The following COBL variants were observed in gnomAD, a reference collection of about 807,000 sequenced individuals.
COBL encodes the protein cordon-bleu WH2 repeat protein.
Under a neutral mutation model 98.8 loss-of-function variants are expected in COBL, and 51 were observed. That is an observed-to-expected ratio of 0.52 (90% CI 0.41 to 0.65). The LOEUF (loss-of-function observed/expected upper bound fraction) is 0.65, where lower values mean the gene tolerates loss of function less well. Among genes scored for constraint, COBL ranks in the 30% least tolerant of loss-of-function variants. The pLI is 0.00. For synonymous variants in COBL, 634 were observed against 651.7 expected, an observed-to-expected ratio of 0.97 and a Z score of 0.41; for missense variants, 1,617 against 1,617.5, an observed-to-expected ratio of 1.00 and a Z score of 0.01.
At chr7:51,252,745 T>C (rs978983502) in intron 1 of COBL, among the ~76,000 whole-genome samples, 2 of 152,164 alleles carry the variant, frequency 1.3e-5, no homozygotes, top group Non-Finnish European at 2.9e-5. Context: ...AAGCAGTAGG[T>C]TAAGAGGCTG....
rs146781616 is a variant in COBL at position 51,017,557 on chromosome 7, G to A, written c.3780C>T (p.Leu1260=). The part of the protein sequence containing the change: ...GAARLRKVPL[L]V ...TTCTCTGGCCTCTGTTCATTCACACGAGCAAGGGCACCTGCAGGGAAGAGA... is the reference window on the plus strand; with the variant it reads ...TTCTCTGGCCTCTGTTCATTCACACAAGCAAGGGCACCTGCAGGGAAGAGA... Residue 1260 remains leucine (L), a synonymous_variant, in exon 13 of 13, where the codon CTC becomes CTT. Coordinates refer to ENST00000265136, the MANE Select transcript of COBL (RefSeq NM_015198.5). 11 of 1,613,948 alleles carry A rather than the reference G, an allele frequency of 6.8e-6. No individual in the cohort carries two copies. The highest frequency in any genetic ancestry group is 5.3e-5 in the African/African-American group (4 of 75,038).
At chr7:51,031,116 G>A (rs1038722660) in intron 8 of COBL, 20 of 577,588 alleles carry the variant, frequency 3.5e-5, no homozygotes, top group Non-Finnish European at 4.3e-5. Context: ...GGTATGTGTG[G>A]GATGCGTGTA....
intron 6 of COBL, among the ~76,000 whole-genome samples, chr7:51,114,155 G>A (rs930580111): frequency 1.1e-4 from 16 of 152,170 alleles, no homozygotes; most frequent in Non-Finnish European, 4.4e-5. Context: ...ACAAGTCTAC[G>A]CTTGCCACAA....
intron 1 of COBL, among the ~76,000 whole-genome samples, chr7:51,316,092 C>G (rs1244863225): frequency 6.6e-6 from 1 of 152,182 alleles, no homozygotes; most frequent in African/African-American, 2.4e-5. Flanking sequence ...AGCCGGGGAG[C>G]CCTCCCCTCC....
At position 51,144,258 on chromosome 7, in the gene COBL, C is replaced by T. The variant is rs544955283; in HGVS notation, c.784-7927G>A. ...TTTACATATATGAACCCACTTGACCCTCATACCAGCTCTATAGGAAGGTAA... is the reference window on the plus strand; with the variant it reads ...TTTACATATATGAACCCACTTGACCTTCATACCAGCTCTATAGGAAGGTAA... On this transcript the variant is annotated intron_variant, in intron 5 of 12. Transcript: ENST00000265136. 7.9e-5 allele frequency among the ~76,000 whole-genome samples: 12 copies of T among 152,278 alleles called. No individual in the cohort carries two copies. In the East Asian group the frequency reaches 2.3e-3, roughly 29 times the overall value.
Position 51,219,815 on chromosome 7 carries a change from C to A in COBL, c.171G>T (p.Ala57=). 1 of 1,614,098 alleles carries A rather than the reference C, an allele frequency of 6.2e-7. No homozygotes were observed. The highest frequency in any genetic ancestry group is 8.5e-7 in the Non-Finnish European group (1 of 1,180,046). Residue 57 remains alanine, a synonymous_variant, in exon 2 of 13, where the codon GCG becomes GCT. Coordinates refer to ENST00000265136, the MANE Select transcript of COBL (RefSeq NM_015198.5). ...SQQNLVRMKE[A]LRASTMDVTV... Reference sequence around the variant, plus strand: ...TGACGTCCATGGTGCTGGCCCTCAGCGCCTCCTTCATGCGAACCAAGTTCT... The same window carrying A: ...TGACGTCCATGGTGCTGGCCCTCAGAGCCTCCTTCATGCGAACCAAGTTCT...
Position 51,136,346 on chromosome 7 carries a change from A to T in COBL, c.784-15T>A, listed in dbSNP as rs1452208176. The stretch of plus-strand genomic sequence containing the variant: ...GTTAAACAGCCCTGTTGGGGAAGAG[A>T]CAAACAGAAAACCAAATCAGTATGA... On this transcript the variant is annotated splice_polypyrimidine_tract_variant and intron_variant, in intron 5 of 12. Transcript: ENST00000265136. The T allele has an allele frequency of 1.9e-6, 3 of 1,603,768 alleles. No individual in the cohort carries two copies. Among genetic ancestry groups the T allele is most frequent in the Non-Finnish European group, 2.6e-6 (3 of 1,176,048 alleles).
chr7:51,236,651 T>C (rs1202554079), intron 1 of COBL, among the ~76,000 whole-genome samples: 3 of 152,102 alleles, frequency 2.0e-5, no homozygotes, highest in Non-Finnish European at 4.4e-5. Context: ...GGGAGGGGCT[T>C]GGGTTGAAAT....
intron 5 of COBL, among the ~76,000 whole-genome samples, chr7:51,139,877 C>A (rs373484570): frequency 3.9e-5 from 6 of 152,140 alleles, no homozygotes; most frequent in Admixed American, 2.0e-4. Flanking sequence ...CTTGGCCCCC[C>A]CTATTATCCC....
intron 7 of COBL, among the ~76,000 whole-genome samples, chr7:51,053,226 G>C (rs1790403404): frequency 6.6e-6 from 1 of 152,050 alleles, no homozygotes; most frequent in African/African-American, 2.4e-5. Flanking sequence ...GACACAAAAA[G>C]CTGCCTACAA....
chr7:51,297,451 G>A (rs1801521149), intron 1 of COBL, among the ~76,000 whole-genome samples: 1 of 145,996 alleles, frequency 6.8e-6, no homozygotes, highest in South Asian at 2.2e-4. Context: ...GAGTGCAATG[G>A]TGCGATCTCA....
In COBL at chr7:51,136,345, G is replaced by A; in HGVS notation, c.784-14C>T. On this transcript the variant is annotated splice_polypyrimidine_tract_variant and intron_variant, in intron 5 of 12. Coordinates refer to ENST00000265136, the MANE Select transcript of COBL (RefSeq NM_015198.5). ...CGTTAAACAGCCCTGTTGGGGAAGA[G>A]ACAAACAGAAAACCAAATCAGTATG... The A allele has an allele frequency of 1.2e-6, 2 of 1,604,148 alleles. No individual in the cohort carries two copies. The highest frequency in any genetic ancestry group is 1.7e-6 in the Non-Finnish European group (2 of 1,176,192).
chr7:51,095,556 C>T (rs930353723), intron 6 of COBL, among the ~76,000 whole-genome samples: 1 of 76,584 alleles, frequency 1.3e-5, no homozygotes, highest in Non-Finnish European at 2.7e-5. Context: ...GGATTAAACT[C>T]CCCAATCAAA....
intron 7 of COBL, among the ~76,000 whole-genome samples, chr7:51,043,944 G>T (rs1315799397): frequency 1.3e-5 from 2 of 152,092 alleles, no homozygotes; most frequent in Admixed American, 1.3e-4. Context: ...CTTTTACATT[G>T]GTCTCCTCTC....
At chr7:51,220,000 G>T in intron 1 of COBL, 56 bp from the exon 2 acceptor site, 1 of 1,515,764 alleles carries the variant, frequency 6.6e-7, no homozygotes, top group Non-Finnish European at 9.0e-7. Context: ...TACCTGCCTC[G>T]GAATAATTCG....
At chr7:51,245,032 A>T (rs1450150775) in intron 1 of COBL, among the ~76,000 whole-genome samples, 1 of 152,024 alleles carries the variant, frequency 6.6e-6, no homozygotes, top group African/African-American at 2.4e-5. Context: ...CATTCAAAAG[A>T]GGAAACGCCT....
Position 51,027,936 on chromosome 7 carries a change from C to T in COBL, c.3160G>A (p.Gly1054Arg), listed in dbSNP as rs753525093. 3.7e-6 allele frequency: 6 copies of T among 1,613,292 alleles called. No individual in the cohort carries two copies. Among genetic ancestry groups the T allele is most frequent in the Non-Finnish European group, 5.1e-6 (6 of 1,179,500 alleles). The change falls in exon 10 of 13, where the codon GGA becomes AGA. Residue 1054 changes from glycine to arginine, a missense_variant. Coordinates refer to ENST00000265136, the MANE Select transcript of COBL (RefSeq NM_015198.5). ...PGHGEPSHPP[G>R]GSGTESHILL... ...ATGTGGCTTTCTGTGCCAGACCCTC[C>T]TGGAGGGTGGGAAGGCTCGCCGTGG...
chr7:51,176,743 A>C (rs748158069), intron 5 of COBL, among the ~76,000 whole-genome samples: 2 of 152,196 alleles, frequency 1.3e-5, no homozygotes, highest in Non-Finnish European at 2.9e-5. Context: ...CTTTTGAACT[A>C]GTGAATTTCA....
chr7:51,075,884 T>C (rs1793022584), intron 7 of COBL, among the ~76,000 whole-genome samples: 1 of 152,240 alleles, frequency 6.6e-6, no homozygotes, highest in African/African-American at 2.4e-5. Flanking sequence ...GGTACAATAG[T>C]AACAGGTTAA....
Sources: allele counts gnomAD v4.1 joint callset (sites outside exome capture counted in the v4.1 genomes callset), GRCh38; gene constraint gnomAD v4.1.1; transcripts MANE v1.5; gene names NCBI Gene and HGNC (gene_info 2026-07-23, HGNC 2026-07-21).